Variants in CNKSR2 observed in about 807,000 individuals in gnomAD.
CNKSR2 encodes CNK homolog protein 2.
In CNKSR2, 14 loss-of-function variants were observed where a neutral mutation model predicts 84.4. That is an observed-to-expected ratio of 0.17 (90% CI 0.11 to 0.26). The LOEUF (loss-of-function observed/expected upper bound fraction) is 0.26. Among genes scored for constraint, CNKSR2 ranks in the 10% least tolerant of loss-of-function variants. CNKSR2 has a pLI of 1.00. For missense variants in CNKSR2, 485 were observed against 771.2 expected (o/e 0.63, Z 4.40); for synonymous variants, 275 against 277.9 (o/e 0.99, Z 0.10).
intron 13 of CNKSR2, among the ~76,000 whole-genome samples, chrX:21,584,658 C>G (rs1160089099): frequency 9.0e-6 from 1 of 111,310 alleles, no homozygotes; most frequent in Non-Finnish European, 1.9e-5. Context: ...TGAGCCACAA[C>G]AACATCTGGG....
chrX:21,443,919 A>C (rs1265133014), intron 4 of CNKSR2, among the ~76,000 whole-genome samples: 2 of 111,582 alleles, frequency 1.8e-5, no homozygotes, highest in East Asian at 5.6e-4. Flanking sequence ...CCTTTATATT[A>C]TTTTAAATAC....
intron 1 of CNKSR2, among the ~76,000 whole-genome samples, chrX:21,379,765 C>T (rs1316330786): frequency 9.0e-6 from 1 of 111,190 alleles, no homozygotes; most frequent in Non-Finnish European, 1.9e-5. Flanking sequence ...CAAACTTAGG[C>T]AAAGACAGAG....
chrX:21,510,316 A>G (rs2091658916), intron 8 of CNKSR2, among the ~76,000 whole-genome samples: 1 of 110,878 alleles, frequency 9.0e-6, no homozygotes, highest in Non-Finnish European at 1.9e-5. Flanking sequence ...GTGGGTGTAA[A>G]GATGCTCTCT....
intron 13 of CNKSR2, among the ~76,000 whole-genome samples, chrX:21,584,031 C>T (rs2092369942): frequency 8.9e-6 from 1 of 112,133 alleles, no homozygotes; most frequent in Non-Finnish European, 1.9e-5. Flanking sequence ...ATTATGATTT[C>T]AACACATTCA....
intron 1 of CNKSR2, among the ~76,000 whole-genome samples, chrX:21,381,974 C>T (rs1366528993): frequency 9.0e-6 from 1 of 111,346 alleles, no homozygotes; most frequent in Non-Finnish European, 1.9e-5. Context: ...ATATCCAACT[C>T]CCCCACTAGA....
At chrX:21,381,660 GAA>G (rs1262560380) in intron 1 of CNKSR2, among the ~76,000 whole-genome samples, 2 of 112,093 alleles carry the variant, frequency 1.8e-5, no homozygotes, top group East Asian at 2.8e-4. Flanking sequence ...TAAGACTCTT[GAA>G]GGTTTGGCCA....
Position 21,533,168 on chromosome X carries a change from A to G in CNKSR2, c.1303+1101A>G, listed in dbSNP as rs536193568. Reference sequence around the variant, plus strand: ...ATAAGAATAAATAATATATTTTAACATAAACTCCTCAACTACACTACTCTA... The same window carrying G: ...ATAAGAATAAATAATATATTTTAACGTAAACTCCTCAACTACACTACTCTA... On this transcript the variant is annotated intron_variant, in intron 11 of 21. Coordinates refer to ENST00000379510, the MANE Select transcript of CNKSR2 (RefSeq NM_014927.5). 1.2e-4 allele frequency among the ~76,000 whole-genome samples: 13 copies of G among 110,818 alleles called. No homozygotes were observed. In the South Asian group the frequency reaches 4.9e-3, roughly 42 times the overall value.
Position 21,432,816 on chromosome X carries a change from TA to T in CNKSR2, c.431+5del, listed in dbSNP as rs1354392043. ...GAGTCTGCTTGCCTGGTTGGACAGG[TA>T]AAGTCTTCCGCATGTTTCATAAGTA... On this transcript the variant is annotated splice_donor_region_variant and intron_variant, in intron 3 of 21. Coordinates refer to ENST00000379510, the MANE Select transcript of CNKSR2 (RefSeq NM_014927.5). 9 of 1,205,986 alleles carry T rather than the reference TA, an allele frequency of 7.5e-6. No individual in the cohort carries two copies. The highest frequency in any genetic ancestry group is 9.0e-6 in the Non-Finnish European group (8 of 892,389).
chrX:21,613,967 A>G (rs914807616), intron 20 of CNKSR2, among the ~76,000 whole-genome samples: 11 of 110,429 alleles, frequency 1.0e-4, no homozygotes, highest in Non-Finnish European at 1.7e-4. Context: ...AGAAAGAAAA[A>G]AAATTAGCCG....
At chrX:21,615,386 C>A (rs1420426000) in intron 20 of CNKSR2, among the ~76,000 whole-genome samples, 3 of 111,847 alleles carry the variant, frequency 2.7e-5, no homozygotes, top group South Asian at 7.4e-4. Context: ...AATAAGTAAT[C>A]CTAGCTTAGA....
intron 20 of CNKSR2, among the ~76,000 whole-genome samples, chrX:21,615,896 A>G (rs1312995677): frequency 9.0e-6 from 1 of 111,655 alleles, no homozygotes; most frequent in Admixed American, 9.6e-5. Flanking sequence ...TCAACCTAAC[A>G]TATTAGCTGC....
At chrX:21,555,857 T>C (rs956718439) in intron 11 of CNKSR2, among the ~76,000 whole-genome samples, 1 of 111,181 alleles carries the variant, frequency 9.0e-6, no homozygotes, top group African/African-American at 3.3e-5. Context: ...TGAAACTTAA[T>C]GACTTTAGCG....
rs376665537 is a variant in CNKSR2 at position 21,603,850 on chromosome X, C to CT, written c.2044+2511dup. 3.4e-3 allele frequency among the ~76,000 whole-genome samples: 363 copies of CT among 105,919 alleles called. 2 individuals carry two copies. Among genetic ancestry groups the CT allele is most frequent in the Non-Finnish European group, 5.4e-3 (273 of 50,846 alleles). The allele number at this position is 105,919 out of a possible 115,157, so 92.0% of individuals were successfully genotyped here. On this transcript the variant is annotated intron_variant, in intron 18 of 21. Transcript: ENST00000379510. Reference sequence around the variant, plus strand: ...CTTCGACAGTTCTAAATGAAAAAGTCTTTTTTTTTTCAAATTATCCTTTTG... The same window carrying CT: ...CTTCGACAGTTCTAAATGAAAAAGTCTTTTTTTTTTTCAAATTATCCTTTTG...
In CNKSR2 at chrX:21,561,551, A is replaced by G. The variant is rs768696708; in HGVS notation, c.1384A>G (p.Ser462Gly). 1 of 1,191,033 alleles carries G rather than the reference A, an allele frequency of 8.4e-7. No homozygotes were observed. Residue 462 changes from serine (S) to glycine (G), a missense_variant, in exon 12 of 22, where the codon AGT becomes GGT. Transcript: ENST00000379510. The stretch of plus-strand genomic sequence containing the variant: ...AGATCCAAATAAGATGAAGAGAGAT[A>G]GTAGAAGAGGTAAGTGTTCTAGAAT... ...YEDPNKMKRD[S>G]RRENSLLRYM...
At chrX:21,423,070 A>G (rs1379482531) in intron 1 of CNKSR2, among the ~76,000 whole-genome samples, 1 of 112,035 alleles carries the variant, frequency 8.9e-6, no homozygotes, top group Non-Finnish European at 1.9e-5. Flanking sequence ...ATATACTTAA[A>G]TGCCTTTTGA....
chrX:21,548,695 C>T (rs1362916087), intron 11 of CNKSR2, among the ~76,000 whole-genome samples: 1 of 111,838 alleles, frequency 8.9e-6, no homozygotes, highest in African/African-American at 3.3e-5. Flanking sequence ...AAACCAAATC[C>T]AGCAGCACAT....
chrX:21,645,410 G>A (rs768036681), intron 20 of CNKSR2: 3 of 111,856 alleles, frequency 2.7e-5, no homozygotes. Context: ...AATTTGGGGG[G>A]AAATTTATTT....
chrX:21,445,952 GGATA>G (rs893367957), intron 4 of CNKSR2, among the ~76,000 whole-genome samples: 3 of 111,192 alleles, frequency 2.7e-5, no homozygotes, highest in African/African-American at 9.8e-5. Context: ...CCTTTCCATT[GGATA>G]AATACCTAGT....
chrX:21,462,672 A>G (rs2091075912), intron 4 of CNKSR2, among the ~76,000 whole-genome samples: 1 of 109,606 alleles, frequency 9.1e-6, no homozygotes, highest in Admixed American at 9.8e-5. Flanking sequence ...TCTATCATAC[A>G]TGGCTTTTAT....
Sources: allele counts gnomAD v4.1 joint callset (sites outside exome capture counted in the v4.1 genomes callset), GRCh38; gene constraint gnomAD v4.1.1; transcripts MANE v1.5; gene names NCBI Gene and HGNC (gene_info 2026-07-23, HGNC 2026-07-21).